The following RP1 variants were observed in gnomAD, a reference collection of about 807,000 sequenced individuals.
RP1 encodes oxygen-regulated protein 1.
In RP1, 16 loss-of-function variants were observed where a neutral mutation model predicts 14.8. The ratio of observed to expected loss-of-function variants is 1.08; its 90% CI spans 0.73 to 1.65. RP1 has a LOEUF of 1.65. RP1 is among the 40% of genes most tolerant of loss of function. The probability of loss-of-function intolerance (pLI) is 0.00; values close to 1 mark genes in which losing one functional copy is unlikely to be tolerated. For missense variants in RP1, 2,631 were observed against 2,535.0 expected (o/e 1.04, Z -0.81); for synonymous variants, 876 against 883.6 (o/e 0.99, Z 0.15).
intron 24 of RP1, among the ~76,000 whole-genome samples, chr8:54,831,715 C>T (rs1023438161): frequency 6.6e-6 from 1 of 151,586 alleles, no homozygotes; most frequent in African/African-American, 2.4e-5. Context: ...TATATATACC[C>T]TTTTATGTAT....
rs144965378 is a variant in RP1 at position 54,560,070 on chromosome 8, G to T, written c.-13+750G>T. 6.6e-5 allele frequency among the ~76,000 whole-genome samples: 10 copies of T among 152,320 alleles called. No individual in the cohort carries two copies. The East Asian group carries it at 1.9e-3, about 29-fold the overall frequency. ...GCCGGCAGAATGTAGCTCGAGAGGA[G>T]AAGCTTCAGGGCATCATGGCAGGAG... On this transcript the variant is annotated intron_variant, in intron 1 of 22. Coordinates refer to the RP1 transcript ENST00000636932.
rs1810874081 is a variant in RP1, at chr8:54,807,223, A to C, written c.3615+23513A>C. ...GTCTGTCAAGCTCCATCAGCCTTTC[A>C]TTATATATTGTTTGAACTAGAGACT... On this transcript the variant is annotated intron_variant, in intron 24 of 28. Coordinates refer to the RP1 transcript ENST00000637698. Among the ~76,000 whole-genome samples the C allele has an allele frequency of 2.0e-5, 3 of 152,334 alleles. No homozygotes were observed. In the Middle Eastern group the frequency reaches 0.01, roughly 518 times the overall value.
At chr8:54,812,433 G>A (rs1240130551) in intron 24 of RP1, among the ~76,000 whole-genome samples, 1 of 152,156 alleles carries the variant, frequency 6.6e-6, no homozygotes, top group Non-Finnish European at 1.5e-5. Context: ...GAGCCACTGT[G>A]CTTGGCCTTT....
chr8:54,776,501 A>G (rs1810042645), intron 23 of RP1, among the ~76,000 whole-genome samples: 1 of 152,348 alleles, frequency 6.6e-6, no homozygotes, highest in South Asian at 2.1e-4. Flanking sequence ...CATTTTCTAT[A>G]AGGGACTTGA....
At chr8:54,559,740 G>A (rs1426600835) in intron 1 of RP1, among the ~76,000 whole-genome samples, 1 of 152,162 alleles carries the variant, frequency 6.6e-6, no homozygotes, top group East Asian at 1.9e-4. Flanking sequence ...GTTTTCCGGA[G>A]GAGAGTGGGT....
chr8:54,830,204 C>G (rs1293157056), intron 24 of RP1, among the ~76,000 whole-genome samples: 1 of 151,796 alleles, frequency 6.6e-6, no homozygotes. Flanking sequence ...TTTTTAAGCT[C>G]TATTAGTAGG....
intron 17 of RP1, among the ~76,000 whole-genome samples, chr8:54,727,821 C>T (rs954767310): frequency 1.3e-5 from 2 of 151,412 alleles, no homozygotes; most frequent in African/African-American, 4.9e-5. Context: ...AAGGCTAAAA[C>T]CTGATAATTG....
chr8:54,579,069 A>G (rs1352098023), intron 1 of RP1, among the ~76,000 whole-genome samples: 1 of 152,248 alleles, frequency 6.6e-6, no homozygotes, highest in Non-Finnish European at 1.5e-5. Flanking sequence ...ATGCTTAGTC[A>G]ATATGAGTTC....
chr8:54,725,565 C>T (rs1808633308), intron 16 of RP1, among the ~76,000 whole-genome samples: 1 of 152,170 alleles, frequency 6.6e-6, no homozygotes, highest in Non-Finnish European at 1.5e-5. Context: ...TGCTTTCTTA[C>T]TGTGTGAGTC....
chr8:54,805,525 G>A (rs1311322164), intron 24 of RP1, among the ~76,000 whole-genome samples: 1 of 152,044 alleles, frequency 6.6e-6, no homozygotes, highest in Non-Finnish European at 1.5e-5. Flanking sequence ...TGGCTTACCT[G>A]TTGTATATTA....
chr8:54,692,709 G>T (rs1318395205), intron 12 of RP1, among the ~76,000 whole-genome samples: 4 of 146,918 alleles, frequency 2.7e-5, no homozygotes, highest in Admixed American at 6.8e-5. Context: ...TGTAGATTCT[G>T]GATATTAGCC....
intron 3 of RP1, among the ~76,000 whole-genome samples, chr8:54,643,297 C>T (rs1392075763): frequency 1.3e-5 from 2 of 152,078 alleles, no homozygotes; most frequent in African/African-American, 2.4e-5. Context: ...GTATAATTAC[C>T]ATCTCAATCA....
Position 54,620,422 on chromosome 8 carries a change from G to A in RP1, c.-12-533G>A, listed in dbSNP as rs534111315. Among the ~76,000 whole-genome samples the A allele has an allele frequency of 1.6e-3, 241 of 152,304 alleles. 1 individual carries two copies. The highest frequency in any genetic ancestry group is 5.3e-3 in the African/African-American group (222 of 41,556). The stretch of plus-strand genomic sequence containing the variant: ...GAATAGGTTATTCCATAAAGCCTGG[G>A]TGTGTAGTAGGCTATATCATCTGTT... On this transcript the variant is annotated intron_variant, in intron 1 of 3. Coordinates refer to ENST00000220676, the MANE Select transcript of RP1 (RefSeq NM_006269.2).
At chr8:54,755,831 G>A in intron 21 of RP1, 1 of 1,375,652 alleles carries the variant, frequency 7.3e-7, no homozygotes, top group Non-Finnish European at 9.4e-7. Flanking sequence ...GGCCACATAT[G>A]ATTTAAAATT....
At chr8:54,643,973 C>G (rs1230959797) in intron 3 of RP1, among the ~76,000 whole-genome samples, 2 of 152,162 alleles carry the variant, frequency 1.3e-5, no homozygotes, top group Non-Finnish European at 2.9e-5. Flanking sequence ...CCACCATCAA[C>G]TTCAAATTCA....
intron 28 of RP1, among the ~76,000 whole-genome samples, chr8:54,867,349 GC>G (rs1812481103): frequency 6.6e-6 from 1 of 152,122 alleles, no homozygotes; most frequent in Non-Finnish European, 1.5e-5. Flanking sequence ...TGTAGTAGTA[GC>G]TATTGCCATT....
rs1236436074 is a variant in RP1 at position 54,628,398 on chromosome 8, T to C, written c.4516T>C (p.Leu1506=). The change falls in exon 4 of 4, where the codon TTG becomes CTG. Residue 1506 remains leucine, a synonymous_variant. Coordinates refer to ENST00000220676, the MANE Select transcript of RP1 (RefSeq NM_006269.2). ...EEVEASKTLE[L]IDISSKNIME... is the part of the protein sequence containing the mutation. The stretch of plus-strand genomic sequence containing the variant: ...GGTAGAGGCTAGTAAAACTTTAGAA[T>C]TGATAGACATCTCTAGTAAGAATAT... 1 of 1,613,402 alleles carries C rather than the reference T, an allele frequency of 6.2e-7. No individual in the cohort carries two copies. The highest frequency in any genetic ancestry group is 8.5e-7 in the Non-Finnish European group (1 of 1,179,734).
chr8:54,656,307 G>A lies in RP1; in HGVS notation c.1171+92G>A, dbSNP rs896300819. On this transcript the variant is annotated intron_variant, in intron 6 of 22. Coordinates refer to the RP1 transcript ENST00000636932. Reference sequence around the variant, plus strand: ...ACCAATAAACACATGTTGAGTAAATGAATGATTAAGGACTGCCAGTTTCTT... The same window carrying A: ...ACCAATAAACACATGTTGAGTAAATAAATGATTAAGGACTGCCAGTTTCTT... 4.1e-5 allele frequency: 54 copies of A among 1,305,008 alleles called. No homozygotes were observed. The East Asian group carries it at 4.8e-4, about 12-fold the overall frequency. 80.8% of individuals were successfully genotyped at this position (1,305,008 alleles called of 1,614,324 possible).
At position 54,645,239 on chromosome 8, in the gene RP1, T is replaced by A. The variant is rs146136645; in HGVS notation, c.788-3746T>A. Among the ~76,000 whole-genome samples, 1,167 of 152,298 alleles carry A rather than the reference T, an allele frequency of 7.7e-3. 20 individuals are homozygous for A. Among genetic ancestry groups the A allele is most frequent in the African/African-American group, 0.027 (1,108 of 41,572 alleles). On this transcript the variant is annotated intron_variant, in intron 3 of 22. Coordinates refer to the RP1 transcript ENST00000636932. ...TGTATGTTTTTATTTCTTTGGGTAG[T>A]TTACTACAATGGAATTTCGGGGATA...
Sources: gnomAD v4.1 joint callset for allele counts (sites outside exome capture counted in the v4.1 genomes callset) on GRCh38, gnomAD v4.1.1 for gene constraint, MANE v1.5 for transcripts, NCBI Gene and HGNC (gene_info 2026-07-23, HGNC 2026-07-21) for gene names.